Variants in CNBD2 observed in about 807,000 individuals in gnomAD.
The protein encoded by CNBD2 is cyclic nucleotide binding domain containing 2.
In CNBD2, 64 loss-of-function variants were observed where a neutral mutation model predicts 63.7. The observed-to-expected ratio is 1.00, with a 90% CI of 0.82 to 1.24. CNBD2 has a LOEUF of 1.24. Among genes scored for constraint, CNBD2 ranks in the 50% most tolerant of loss-of-function variants. The pLI, the probability that CNBD2 is intolerant of heterozygous loss-of-function variation, is 0.00. For missense variants in CNBD2, 691 were observed against 713.5 expected, an observed-to-expected ratio of 0.97 and a Z score of 0.36; for synonymous variants, 229 against 255.4, an observed-to-expected ratio of 0.90 and a Z score of 0.99.
At chr20:35,980,949 A>C (rs1356636010) in intron 4 of CNBD2, among the ~76,000 whole-genome samples, 1 of 152,202 alleles carries the variant, frequency 6.6e-6, no homozygotes, top group Non-Finnish European at 1.5e-5. Context: ...TCACCCAGAC[A>C]AAAAGAAACA....
At chr20:36,025,308 A>G (rs767197139) in intron 11 of CNBD2, among the ~76,000 whole-genome samples, 2 of 151,262 alleles carry the variant, frequency 1.3e-5, no homozygotes, top group South Asian at 4.3e-4. Flanking sequence ...TTCTGGTTAT[A>G]TATTCCTCTC....
At chr20:36,027,323 G>A (rs1342620264) in intron 11 of CNBD2, among the ~76,000 whole-genome samples, 1 of 152,124 alleles carries the variant, frequency 6.6e-6, no homozygotes, top group Non-Finnish European at 1.5e-5. Context: ...TTCCAGCCCT[G>A]GCCAATAAGC....
chr20:35,971,766 C>G (rs1236011766), intron 1 of CNBD2, among the ~76,000 whole-genome samples: 2 of 152,186 alleles, frequency 1.3e-5, no homozygotes, highest in Non-Finnish European at 2.9e-5. Context: ...AATCAAGAAG[C>G]ATACCATTGG....
At position 35,976,145 on chromosome 20, in the gene CNBD2, G is replaced by A. The variant is rs1336164889; in HGVS notation, c.243+143G>A. ...CTTGTCACCCTGGGTTGGCCACTTC[G>A]TTTCCTCATCAATAAAATAGCTGAT... On this transcript the variant is annotated intron_variant, in intron 3 of 11. Transcript: ENST00000373973. 30 of 665,230 alleles carry A rather than the reference G, an allele frequency of 4.5e-5. No homozygotes were observed. The East Asian group carries it at 5.2e-4, about 11-fold the overall frequency. 41.2% of individuals were successfully genotyped at this position (665,230 alleles called of 1,614,324 possible).
upstream of CNBD2, chr20:35,954,396 T>A (rs1406893646): frequency 2.2e-5 from 35 of 1,560,734 alleles, no homozygotes; most frequent in Non-Finnish European, 3.0e-5. Context: ...AGAGCTCGCG[T>A]CACCCTTGAG....
intron 7 of CNBD2, among the ~76,000 whole-genome samples, chr20:35,990,993 T>A (rs1044073547): frequency 6.6e-6 from 1 of 152,208 alleles, no homozygotes; most frequent in African/African-American, 2.4e-5. Flanking sequence ...ATAGAAGTTA[T>A]ACCATTGAAC....
intron 2 of CNBD2, among the ~76,000 whole-genome samples, chr20:35,975,449 C>A (rs1442414575): frequency 9.9e-6 from 1 of 101,188 alleles, no homozygotes; most frequent in African/African-American, 4.4e-5. Context: ...TACAGGCGCC[C>A]GCTACCACGC....
rs201342046 is a variant in CNBD2, at chr20:35,975,917, T to G, written c.190-32T>G. ...AAGTTCTAGGGGCAGTCTTGCTGAT[T>G]CTCCCTCTTCTCCCTGCCCTCTTTC... On this transcript the variant is annotated intron_variant, in intron 2 of 11. Transcript: ENST00000373973. 71 of 1,602,552 alleles carry G rather than the reference T, an allele frequency of 4.4e-5. No individual in the cohort carries two copies. In the African/African-American group the frequency reaches 8.4e-4, roughly 19 times the overall value.
chr20:36,011,822 G>C (rs1488992379), intron 10 of CNBD2, among the ~76,000 whole-genome samples: 1 of 152,148 alleles, frequency 6.6e-6, no homozygotes, highest in African/African-American at 2.4e-5. Flanking sequence ...AATTAATATA[G>C]AGAGTCCATT....
intron 4 of CNBD2, 41 bp downstream of exon 4, chr20:35,980,663 G>A (rs777963875): frequency 1.3e-6 from 2 of 1,598,178 alleles, no homozygotes; most frequent in Non-Finnish European, 1.7e-6. Flanking sequence ...GGCTGAGGCT[G>A]GACTGAGCAA....
upstream of CNBD2, among the ~76,000 whole-genome samples, chr20:35,965,259 C>G (rs2056337008): frequency 6.7e-6 from 1 of 149,622 alleles, no homozygotes; most frequent in South Asian, 2.1e-4. Context: ...CTCACTGCAA[C>G]CTGCGCCTCC....
At chr20:35,990,874 C>G (rs6087750) in intron 7 of CNBD2, among the ~76,000 whole-genome samples, 1 of 152,032 alleles carries the variant, frequency 6.6e-6, no homozygotes, top group African/African-American at 2.4e-5. Context: ...TCACTTAAAC[C>G]TGGGAGGTGA....
chr20:36,006,505 C>G (rs2056987364), intron 8 of CNBD2, among the ~76,000 whole-genome samples: 2 of 152,170 alleles, frequency 1.3e-5, no homozygotes, highest in Admixed American at 6.5e-5. Context: ...CAACCTTGAC[C>G]TCCCAGACTC....
intron 10 of CNBD2, among the ~76,000 whole-genome samples, chr20:36,020,951 G>A (rs1193137393): frequency 1.3e-5 from 2 of 152,192 alleles, no homozygotes; most frequent in Non-Finnish European, 2.9e-5. Context: ...AAATTTGTAC[G>A]TGGTCATATT....
At chr20:35,971,149 G>A (rs990389882) in intron 1 of CNBD2, among the ~76,000 whole-genome samples, 5 of 150,888 alleles carry the variant, frequency 3.3e-5, no homozygotes, top group African/African-American at 4.9e-5. Flanking sequence ...GGGTTTCACC[G>A]TGTTAGCCGG....
intron 10 of CNBD2, among the ~76,000 whole-genome samples, chr20:36,016,039 TC>T (rs1396734537): frequency 6.6e-6 from 1 of 152,184 alleles, no homozygotes; most frequent in African/African-American, 2.4e-5. Context: ...AATAGTATTG[TC>T]CCTTGACAGG....
chr20:36,029,531 C>A (rs2057319488), intron 11 of CNBD2, among the ~76,000 whole-genome samples: 1 of 152,140 alleles, frequency 6.6e-6, no homozygotes, highest in Admixed American at 6.5e-5. Context: ...AAACTACCAA[C>A]CTGCTGCCAC....
chr20:35,999,076 C>T (rs1220500733), intron 8 of CNBD2, among the ~76,000 whole-genome samples: 1 of 152,042 alleles, frequency 6.6e-6, no homozygotes, highest in African/African-American at 2.4e-5. Flanking sequence ...ATATTCTTTG[C>T]TCTAAAACCT....
At chr20:35,956,576 T>C (rs1300541269), downstream of CNBD2, among the ~76,000 whole-genome samples, 4 of 152,276 alleles carry the variant, frequency 2.6e-5, no homozygotes, top group African/African-American at 9.6e-5. Context: ...TTCTCTCTTT[T>C]CTTTTTAGAG....
Sources: allele counts gnomAD v4.1 joint callset (sites outside exome capture counted in the v4.1 genomes callset), GRCh38; gene constraint gnomAD v4.1.1; transcripts MANE v1.5; gene names NCBI Gene and HGNC (gene_info 2026-07-23, HGNC 2026-07-21).